PDE4D: variants seen among roughly 807,000 people sequenced by gnomAD.
PDE4D encodes 3',5'-cyclic-AMP phosphodiesterase 4D.
A neutral mutation model predicts 87.4 loss-of-function variants in PDE4D; 24 were observed. That is an observed-to-expected ratio of 0.27 (90% CI 0.20 to 0.39). The LOEUF (loss-of-function observed/expected upper bound fraction) is 0.39. Ranked by LOEUF, PDE4D falls within the 10% of genes least tolerant of loss-of-function variation. PDE4D has a pLI of 1.00. For missense variants in PDE4D, 714 were observed against 1,041.0 expected (o/e 0.69, Z 4.32); for synonymous variants, 384 against 383.2 (o/e 1.00, Z -0.02).
chr5:60,129,270 T>C (rs1280928577), intron 2 of PDE4D, among the ~76,000 whole-genome samples: 5 of 152,232 alleles, frequency 3.3e-5, no homozygotes, highest in Non-Finnish European at 7.3e-5. Context: ...GCATATTTCA[T>C]ATGCTTAATC....
intron 3 of PDE4D, among the ~76,000 whole-genome samples, chr5:59,975,331 T>C (rs1761209182): frequency 6.6e-6 from 1 of 152,236 alleles, no homozygotes; most frequent in African/African-American, 2.4e-5. Context: ...CACCCTTCTA[T>C]GTCTTGAACA....
chr5:59,520,012 A>G (rs1811907654), intron 1 of PDE4D, among the ~76,000 whole-genome samples: 1 of 152,132 alleles, frequency 6.6e-6, no homozygotes, highest in Non-Finnish European at 1.5e-5. Flanking sequence ...CTGTAATCCC[A>G]GCTTTTTTGG....
At chr5:60,101,199 C>T (rs1473054542) in intron 2 of PDE4D, among the ~76,000 whole-genome samples, 1 of 151,940 alleles carries the variant, frequency 6.6e-6, no homozygotes, top group Non-Finnish European at 1.5e-5. Flanking sequence ...GGTATAAGCA[C>T]TGAACAAATA....
intron 1 of PDE4D, among the ~76,000 whole-genome samples, chr5:59,427,817 C>CAAAA (rs11356537): frequency 1.4e-3 from 90 of 66,662 alleles, no homozygotes; most frequent in African/African-American, 3.4e-3. Flanking sequence ...GACCCTGTCT[C>CAAAA]AAAAAAAAAA....
rs895714255 is a variant in PDE4D at position 60,352,807 on chromosome 5, C to T, written c.-90+135135G>A. Among the ~76,000 whole-genome samples, 6 of 152,074 alleles carry T rather than the reference C, an allele frequency of 3.9e-5. 1 individual carries two copies. Among genetic ancestry groups the T allele is most frequent in the South Asian group, 4.2e-4 (2 of 4,814 alleles). On this transcript the variant is annotated intron_variant, in intron 1 of 16. Transcript: ENST00000502484. ...TTGATTAGAGGGAAAATATGGAGTA[C>T]GTGTAAATATTCTGTGATGGATTTG...
At chr5:59,615,067 C>T (rs370835014) in intron 1 of PDE4D, among the ~76,000 whole-genome samples, 9 of 152,052 alleles carry the variant, frequency 5.9e-5, no homozygotes, top group East Asian at 5.8e-4. Flanking sequence ...TGAGCTCAAG[C>T]GATCTGCAGG....
chr5:59,260,500 C>T (rs190704631), intron 1 of PDE4D, among the ~76,000 whole-genome samples: 191 of 151,842 alleles, frequency 1.3e-3, no homozygotes, highest in African/African-American at 4.4e-3. Context: ...GCATGAATTA[C>T]GAAAGCAAAT....
At chr5:59,455,758 C>T (rs1799822394) in intron 1 of PDE4D, among the ~76,000 whole-genome samples, 1 of 152,230 alleles carries the variant, frequency 6.6e-6, no homozygotes, top group African/African-American at 2.4e-5. Context: ...CCCTGCAGAG[C>T]CACAGGGGTG....
chr5:60,098,435 G>A (rs1039622702), intron 2 of PDE4D, among the ~76,000 whole-genome samples: 12 of 151,724 alleles, frequency 7.9e-5, no homozygotes, highest in East Asian at 1.9e-4. Context: ...GTTTTCATTC[G>A]TGTATTTTTA....
chr5:59,885,578 C>T (rs796373949), intron 1 of PDE4D, among the ~76,000 whole-genome samples: 8 of 152,290 alleles, frequency 5.3e-5, no homozygotes, highest in African/African-American at 1.9e-4. Context: ...ATTGGATAAA[C>T]ATTCTCTAAG....
chr5:59,262,805 G>T (rs950336468), intron 1 of PDE4D, among the ~76,000 whole-genome samples: 1 of 151,962 alleles, frequency 6.6e-6, no homozygotes, highest in African/African-American at 2.4e-5. Flanking sequence ...CAGCATGTCA[G>T]TCGGGTGATA....
chr5:60,257,240 GA>G (rs202132919), intron 1 of PDE4D, among the ~76,000 whole-genome samples: 1 of 142,200 alleles, frequency 7.0e-6, no homozygotes, highest in African/African-American at 2.7e-5. Flanking sequence ...AAGAAAGAAA[GA>G]AAGAAAGAAA....
intron 1 of PDE4D, among the ~76,000 whole-genome samples, chr5:59,270,082 T>G (rs969366327): frequency 6.6e-6 from 1 of 152,154 alleles, no homozygotes; most frequent in Admixed American, 6.6e-5. Context: ...ACTCTGTGTC[T>G]TTCTAGTTAT....
At chr5:59,574,064 A>ATT (rs1822455905) in intron 1 of PDE4D, among the ~76,000 whole-genome samples, 2 of 16,562 alleles carry the variant, frequency 1.2e-4, no homozygotes, top group Non-Finnish European at 2.3e-4. Context: ...ATATAAAAAT[A>ATT]TATATATTTA....
At chr5:59,424,743 T>A (rs1278377172) in intron 1 of PDE4D, among the ~76,000 whole-genome samples, 1 of 152,112 alleles carries the variant, frequency 6.6e-6, no homozygotes, top group Non-Finnish European at 1.5e-5. Context: ...TAATTAAAGA[T>A]GAGATGTGGG....
At chr5:58,995,839 A>T (rs1448770666) in intron 6 of PDE4D, among the ~76,000 whole-genome samples, 1 of 152,216 alleles carries the variant, frequency 6.6e-6, no homozygotes, top group Non-Finnish European at 1.5e-5. Flanking sequence ...CTAAAATGTC[A>T]TGCATACACA....
In PDE4D at chr5:59,761,178, A is replaced by G. The variant is rs1398368133; in HGVS notation, c.455+131990T>C. Among the ~76,000 whole-genome samples the G allele has an allele frequency of 3.9e-5, 6 of 152,320 alleles. No homozygotes were observed. In the East Asian group the frequency reaches 9.6e-4, roughly 24 times the overall value. On this transcript the variant is annotated intron_variant, in intron 1 of 14. Transcript: ENST00000340635. ...ACATAGAAAAGGTACAGTTAAAAAT[A>G]CAGTATAAAAGATAAAAAATGATAT...
At chr5:60,070,692 T>C (rs1445096854) in intron 2 of PDE4D, among the ~76,000 whole-genome samples, 9 of 152,006 alleles carry the variant, frequency 5.9e-5, no homozygotes, top group African/African-American at 2.2e-4. Flanking sequence ...AGTATCAGAG[T>C]AATGAATTTG....
chr5:60,397,884 C>T (rs1240439895), intron 1 of PDE4D, among the ~76,000 whole-genome samples: 1 of 152,130 alleles, frequency 6.6e-6, no homozygotes, highest in Non-Finnish European at 1.5e-5. Flanking sequence ...ACATTATAGG[C>T]AATAACTTAC....
Sources: allele counts gnomAD v4.1 joint callset (sites outside exome capture counted in the v4.1 genomes callset), GRCh38; gene constraint gnomAD v4.1.1; transcripts MANE v1.5; gene names NCBI Gene and HGNC (gene_info 2026-07-23, HGNC 2026-07-21).